SLC14A2: variants seen among roughly 807,000 people sequenced by gnomAD.
SLC14A2 encodes urea transporter 2.
SLC14A2 carries 91 observed loss-of-function variants against 104.6 expected under a neutral mutation model. That is an observed-to-expected ratio of 0.87 (90% CI 0.73 to 1.04). The LOEUF (loss-of-function observed/expected upper bound fraction) is 1.04, where lower values mean the gene tolerates loss of function less well. Ranked by LOEUF, SLC14A2 falls within the 50% of genes least tolerant of loss-of-function variation. The pLI, the probability that SLC14A2 is intolerant of heterozygous loss-of-function variation, is 0.00. For missense variants in SLC14A2, 1,189 were observed against 1,156.0 expected, an observed-to-expected ratio of 1.03 and a Z score of -0.41; for synonymous variants, 476 against 466.4, an observed-to-expected ratio of 1.02 and a Z score of -0.27.
At chr18:45,589,374 CACACAA>C (rs201532981) in intron 2 of SLC14A2, among the ~76,000 whole-genome samples, 104 of 152,138 alleles carry the variant, frequency 6.8e-4, no homozygotes, top group African/African-American at 2.4e-3. Flanking sequence ...TCTTAAAGTG[CACACAA>C]ACACACACAC....
intron 2 of SLC14A2, among the ~76,000 whole-genome samples, chr18:45,574,916 A>C (rs1343578992): frequency 6.6e-6 from 1 of 152,156 alleles, no homozygotes; most frequent in Non-Finnish European, 1.5e-5. Flanking sequence ...CCTCCTATAA[A>C]TAGCCACCAC....
At chr18:45,279,321 T>C (rs2084737360) in intron 1 of SLC14A2, among the ~76,000 whole-genome samples, 2 of 152,238 alleles carry the variant, frequency 1.3e-5, no homozygotes, top group Admixed American at 6.5e-5. Flanking sequence ...TTCTGATGAA[T>C]TTACGGGCAA....
At chr18:45,337,163 T>C (rs551199518) in intron 1 of SLC14A2, among the ~76,000 whole-genome samples, 2 of 152,212 alleles carry the variant, frequency 1.3e-5, no homozygotes, top group South Asian at 2.1e-4. Flanking sequence ...GAGGAGTACT[T>C]GAACTAGGCT....
chr18:45,208,611 G>A (rs1040102290), upstream of SLC14A2, among the ~76,000 whole-genome samples: 1 of 152,194 alleles, frequency 6.6e-6, no homozygotes, highest in African/African-American at 2.4e-5. Flanking sequence ...AGCCTCGTTA[G>A]TTAAACTGAA....
At chr18:45,404,299 A>G (rs1271945069) in intron 1 of SLC14A2, among the ~76,000 whole-genome samples, 3 of 152,188 alleles carry the variant, frequency 2.0e-5, no homozygotes, top group Non-Finnish European at 4.4e-5. Context: ...ACTATGATAG[A>G]AATTTTTGTA....
chr18:45,246,731 C>CCG (rs2084371078), intron 1 of SLC14A2, among the ~76,000 whole-genome samples: 3 of 152,108 alleles, frequency 2.0e-5, no homozygotes, highest in Non-Finnish European at 4.4e-5. Flanking sequence ...TGCCGCCACA[C>CCG]TGGGCACGGT....
chr18:45,257,411 C>T (rs2084490759), intron 1 of SLC14A2, among the ~76,000 whole-genome samples: 1 of 152,228 alleles, frequency 6.6e-6, no homozygotes, highest in African/African-American at 2.4e-5. Flanking sequence ...TATGGCCCTT[C>T]TGCCATTATT....
At chr18:45,168,478 A>G in the SLC14A2 span, 1 of 152,194 alleles carries the variant, frequency 6.6e-6, no homozygotes, top group Non-Finnish European at 1.5e-5. Flanking sequence ...CCTATTCCTT[A>G]GAGTTGTGTG....
chr18:45,458,929 T>C (rs1338194502), intron 1 of SLC14A2, among the ~76,000 whole-genome samples: 1 of 152,182 alleles, frequency 6.6e-6, no homozygotes, highest in Non-Finnish European at 1.5e-5. Flanking sequence ...CCGAAAGCTA[T>C]ACTTTGGAGG....
chr18:45,194,879 C>T, the SLC14A2 span, among the ~76,000 whole-genome samples: 9 of 152,146 alleles, frequency 5.9e-5, no homozygotes, highest in African/African-American at 1.7e-4. Flanking sequence ...CTCCCGACCT[C>T]GTGATCTGCC....
At position 45,268,844 on chromosome 18, in the gene SLC14A2, T is replaced by C. The variant is rs374096937; in HGVS notation, c.-125+55653T>C. ...CTATGAGAGTTATTGAGAAAGTCTA[T>C]TGTCCAGCAGGTTAGAGCAGCAAAG... is the stretch of plus-strand genomic sequence containing the variant. On this transcript the variant is annotated intron_variant, in intron 1 of 20. Transcript: ENST00000586448. Among the ~76,000 whole-genome samples, 16 of 152,190 alleles carry C rather than the reference T, an allele frequency of 1.1e-4. No individual in the cohort carries two copies. The South Asian group carries it at 2.7e-3, about 26-fold the overall frequency.
chr18:45,604,226 G>C (rs574346622), intron 2 of SLC14A2, among the ~76,000 whole-genome samples: 1 of 152,126 alleles, frequency 6.6e-6, no homozygotes, highest in Admixed American at 6.5e-5. Context: ...ATGCAAAAAA[G>C]TCATTTCTCA....
chr18:45,661,328 G>A (rs956766350), intron 10 of SLC14A2, among the ~76,000 whole-genome samples: 2 of 152,200 alleles, frequency 1.3e-5, no homozygotes, highest in African/African-American at 4.8e-5. Flanking sequence ...AAACTGGAGT[G>A]CCTCTTTGGA....
At chr18:45,663,734 C>A in intron 10 of SLC14A2, 51 bp from the exon 11 acceptor site, 1 of 1,583,104 alleles carries the variant, frequency 6.3e-7, no homozygotes, top group South Asian at 1.2e-5. Flanking sequence ...TTGGCTCTCT[C>A]AGGTGCGGAC....
At chr18:45,449,231 A>T (rs1306588192) in intron 1 of SLC14A2, among the ~76,000 whole-genome samples, 1 of 152,178 alleles carries the variant, frequency 6.6e-6, no homozygotes. Flanking sequence ...TCTTCAGACA[A>T]ACAAGGATAA....
chr18:45,572,981 C>A (rs998732868), intron 2 of SLC14A2, among the ~76,000 whole-genome samples: 2 of 152,146 alleles, frequency 1.3e-5, no homozygotes, highest in Non-Finnish European at 2.9e-5. Context: ...AGTTAAAAAA[C>A]CAAGTGGAGA....
chr18:45,327,149 A>G (rs890860873), intron 1 of SLC14A2, among the ~76,000 whole-genome samples: 5 of 152,114 alleles, frequency 3.3e-5, no homozygotes, highest in African/African-American at 1.2e-4. Context: ...TGCTCAACCC[A>G]AGATGTTCCT....
intron 2 of SLC14A2, among the ~76,000 whole-genome samples, chr18:45,543,974 G>GT (rs1308232142): frequency 6.6e-6 from 1 of 152,218 alleles, no homozygotes; most frequent in Non-Finnish European, 1.5e-5. Flanking sequence ...TCTCTAATGG[G>GT]TTTCCCTGGT....
intron 1 of SLC14A2, among the ~76,000 whole-genome samples, chr18:45,262,928 T>C (rs1211221092): frequency 1.3e-5 from 2 of 152,152 alleles, no homozygotes; most frequent in Admixed American, 6.5e-5. Flanking sequence ...GTACAGAAAA[T>C]TCCCATGCAC....
Sources: allele counts gnomAD v4.1 joint callset (sites outside exome capture counted in the v4.1 genomes callset), GRCh38; gene constraint gnomAD v4.1.1; transcripts MANE v1.5; gene names NCBI Gene and HGNC (gene_info 2026-07-23, HGNC 2026-07-21).